CCDC3: variants seen among roughly 807,000 people sequenced by gnomAD.
CCDC3 encodes coiled-coil domain containing 3.
In CCDC3, 24 loss-of-function variants were observed where a neutral mutation model predicts 21.4. The observed-to-expected ratio is 1.12, with a 90% CI of 0.81 to 1.58. CCDC3 has a LOEUF of 1.58. Ranked by LOEUF, CCDC3 falls within the 40% of genes most tolerant of loss-of-function variation. The probability of loss-of-function intolerance (pLI) is 0.00; values close to 1 mark genes in which losing one functional copy is unlikely to be tolerated. For missense variants in CCDC3, 425 were observed against 360.9 expected (o/e 1.18, Z -1.44); for synonymous variants, 186 against 166.0 (o/e 1.12, Z -0.93).
intron 4 of CCDC3, among the ~76,000 whole-genome samples, chr10:13,073,027 T>C (rs1836905596): frequency 6.6e-6 from 1 of 151,830 alleles, no homozygotes; most frequent in Non-Finnish European, 1.5e-5. Context: ...CCACCACGCC[T>C]GGCTAATTTT....
rs1333502350 is a variant in CCDC3, at chr10:12,986,752, G to A, written c.549+11586C>T. Among the ~76,000 whole-genome samples, 5 of 150,670 alleles carry A rather than the reference G, an allele frequency of 3.3e-5. No homozygotes were observed. The East Asian group carries it at 5.9e-4, about 18-fold the overall frequency. On this transcript the variant is annotated intron_variant, in intron 2 of 2. Transcript: ENST00000378825. ...CGTGCCACTGCACCCCAGCCTGGGCGGCAGAGCGAGACTCCGTCTCAAAAA... is the reference window on the plus strand; with the variant it reads ...CGTGCCACTGCACCCCAGCCTGGGCAGCAGAGCGAGACTCCGTCTCAAAAA...
chr10:12,949,012 T>G (rs909850857), intron 2 of CCDC3, among the ~76,000 whole-genome samples: 11 of 152,096 alleles, frequency 7.2e-5, no homozygotes, highest in African/African-American at 2.2e-4. Context: ...AGGCAATTCT[T>G]TTATATCTCA....
At chr10:13,098,710 A>ATTTTTTTTGTTTTTTTTTT (rs1832667132) in intron 2 of CCDC3, 1 of 64,854 alleles carries the variant, frequency 1.5e-5, no homozygotes, top group Non-Finnish European at 2.7e-5. Flanking sequence ...TCCTGCACTG[A>ATTTTTTTTGTTTTTTTTTT]TTTTTTTTTT....
intron 2 of CCDC3, among the ~76,000 whole-genome samples, chr10:12,942,937 G>A (rs187537669): frequency 2.6e-5 from 4 of 152,236 alleles, no homozygotes; most frequent in East Asian, 1.9e-4. Context: ...GGGTATTACC[G>A]CAGATGAATG....
intron 4 of CCDC3, among the ~76,000 whole-genome samples, chr10:13,051,796 G>A (rs373156460): frequency 1.1e-4 from 16 of 152,154 alleles, no homozygotes; most frequent in African/African-American, 3.9e-4. Flanking sequence ...GGGGCATGGA[G>A]GGTGGTGGGA....
At chr10:13,011,828 T>A (rs1273817258) in intron 5 of CCDC3, among the ~76,000 whole-genome samples, 3 of 152,108 alleles carry the variant, frequency 2.0e-5, no homozygotes, top group Non-Finnish European at 4.4e-5. Context: ...CAAAACAGCA[T>A]GGTAGTGGCA....
intron 3 of CCDC3, among the ~76,000 whole-genome samples, chr10:13,090,239 C>CCACCATGCCTA (rs199934970): frequency 0.013 from 1,961 of 151,776 alleles, 42 homozygotes; most frequent in African/African-American, 0.045. Context: ...CAGGTGCGTG[C>CCACCATGCCTA]CACCATGCCT....
At chr10:12,909,060 T>A (rs142260272) in intron 2 of CCDC3, among the ~76,000 whole-genome samples, 1 of 152,198 alleles carries the variant, frequency 6.6e-6, no homozygotes, top group Non-Finnish European at 1.5e-5. Flanking sequence ...CCTGGTATCC[T>A]TGGACACTCA....
chr10:12,953,277 G>A (rs983018029), intron 2 of CCDC3, among the ~76,000 whole-genome samples: 17 of 152,136 alleles, frequency 1.1e-4, no homozygotes, highest in Middle Eastern at 3.4e-3. Flanking sequence ...AAAACAGCAC[G>A]GGAAAGACCT....
intron 2 of CCDC3, among the ~76,000 whole-genome samples, chr10:12,904,468 T>TAAAAAAA (rs55772750): frequency 0.012 from 504 of 40,898 alleles, 92 homozygotes; most frequent in African/African-American, 0.041. Flanking sequence ...AAGCCAGTCT[T>TAAAAAAA]AAAAAAAAAA....
intron 2 of CCDC3, among the ~76,000 whole-genome samples, chr10:12,967,868 A>T (rs1310374326): frequency 6.6e-6 from 1 of 152,194 alleles, no homozygotes; most frequent in African/African-American, 2.4e-5. Flanking sequence ...TATTATCATC[A>T]CACTGTCAAG....
At chr10:13,062,471 T>C (rs1368913518) in intron 4 of CCDC3, among the ~76,000 whole-genome samples, 1 of 152,200 alleles carries the variant, frequency 6.6e-6, no homozygotes, top group Non-Finnish European at 1.5e-5. Context: ...ATTTTATATA[T>C]GCATTCTTAC....
At chr10:13,070,891 T>C (rs1478268594) in intron 4 of CCDC3, among the ~76,000 whole-genome samples, 2 of 152,208 alleles carry the variant, frequency 1.3e-5, no homozygotes, top group African/African-American at 4.8e-5. Context: ...ATCATTAGGT[T>C]CTAGATTCAT....
rs59862077 is a variant in CCDC3, at chr10:12,953,965, A to G, written c.549+44373T>C. On this transcript the variant is annotated intron_variant, in intron 2 of 2. Coordinates refer to ENST00000378825, the MANE Select transcript of CCDC3 (RefSeq NM_031455.4). ...CACAAAGGCAGCCACTGACAAGGAC[A>G]ATTAGTAAACAACTGAGCATGGCTG... Among the ~76,000 whole-genome samples the G allele has an allele frequency of 2.8e-3, 434 of 152,340 alleles. 3 individuals are homozygous for G. Among genetic ancestry groups the G allele is most frequent in the African/African-American group, 0.01 (416 of 41,580 alleles).
At chr10:13,011,562 T>G (rs78770310) in intron 5 of CCDC3, among the ~76,000 whole-genome samples, 10,542 of 152,192 alleles carry the variant, frequency 0.069, 385 homozygotes, top group East Asian at 0.12. Context: ...TGGAAAAATA[T>G]TCCATGCTCA....
At chr10:13,085,006 A>G in intron 3 of CCDC3, among the ~76,000 whole-genome samples, 1 of 152,224 alleles carries the variant, frequency 6.6e-6, no homozygotes, top group Non-Finnish European at 1.5e-5. Flanking sequence ...CTCTGGTTTC[A>G]CACTTGTTCA....
intron 3 of CCDC3, among the ~76,000 whole-genome samples, chr10:13,084,919 C>G (rs745721684): frequency 3.1e-4 from 47 of 152,120 alleles, no homozygotes; most frequent in Admixed American, 7.2e-4. Context: ...GTGACGTTCC[C>G]CAACAGAAAA....
chr10:13,010,279 A>G (rs1835969387), intron 5 of CCDC3, among the ~76,000 whole-genome samples: 1 of 152,084 alleles, frequency 6.6e-6, no homozygotes, highest in South Asian at 2.1e-4. Flanking sequence ...ACACTCAATG[A>G]TGAGAAAACA....
At chr10:12,997,242 G>GA (rs35942622) in intron 2 of CCDC3, among the ~76,000 whole-genome samples, 179 of 144,540 alleles carry the variant, frequency 1.2e-3, no homozygotes, top group Middle Eastern at 3.5e-3. Flanking sequence ...TTCGTTAATG[G>GA]AAAAAAAAAA....
Sources: gnomAD v4.1 joint callset for allele counts (sites outside exome capture counted in the v4.1 genomes callset) on GRCh38, gnomAD v4.1.1 for gene constraint, MANE v1.5 for transcripts, NCBI Gene and HGNC (gene_info 2026-07-23, HGNC 2026-07-21) for gene names.